The following RAPGEF5 variants were observed in gnomAD, a reference collection of about 807,000 sequenced individuals.
The protein encoded by RAPGEF5 is M-Ras-regulated GEF.
RAPGEF5 carries 65 observed loss-of-function variants against 125.2 expected under a neutral mutation model. That is an observed-to-expected ratio of 0.52 (90% CI 0.43 to 0.64). The LOEUF (loss-of-function observed/expected upper bound fraction) is 0.64. Among genes scored for constraint, RAPGEF5 ranks in the 30% least tolerant of loss-of-function variants. RAPGEF5 has a pLI of 0.00. For synonymous variants in RAPGEF5, 391 were observed against 385.9 expected (o/e 1.01, Z -0.16); for missense variants, 958 against 1,048.1 (o/e 0.91, Z 1.19).
intron 17 of RAPGEF5, among the ~76,000 whole-genome samples, chr7:22,153,547 T>C (rs1285775925): frequency 6.6e-6 from 1 of 152,162 alleles, no homozygotes; most frequent in Non-Finnish European, 1.5e-5. Flanking sequence ...CCATTTTACC[T>C]GCCTGTGAGC....
At chr7:22,148,320 G>T (rs2128106300) in intron 18 of RAPGEF5, among the ~76,000 whole-genome samples, 1 of 152,252 alleles carries the variant, frequency 6.6e-6, no homozygotes, top group South Asian at 2.1e-4. Context: ...CCCTAATTGG[G>T]TCCCTTACCC....
chr7:22,145,616 G>T (rs555474098), intron 19 of RAPGEF5, among the ~76,000 whole-genome samples: 3 of 152,330 alleles, frequency 2.0e-5, no homozygotes, highest in South Asian at 4.1e-4. Context: ...TCACAGGTCT[G>T]TTCTCTAAGA....
At chr7:22,156,937 T>C (rs1457933499) in intron 15 of RAPGEF5, 49 bp from the exon 16 acceptor site, 13 of 1,608,084 alleles carry the variant, frequency 8.1e-6, no homozygotes, top group Non-Finnish European at 1.1e-5. Context: ...TCCTGCCCTT[T>C]GGAAAACCAT....
At chr7:22,286,538 A>T (rs1184636403) in intron 6 of RAPGEF5, among the ~76,000 whole-genome samples, 1 of 152,234 alleles carries the variant, frequency 6.6e-6, no homozygotes, top group African/African-American at 2.4e-5. Context: ...ATTTTAAGTA[A>T]ATATGAGATG....
At chr7:22,309,158 T>C (rs1207931257) in intron 4 of RAPGEF5, among the ~76,000 whole-genome samples, 1 of 152,230 alleles carries the variant, frequency 6.6e-6, no homozygotes, top group Non-Finnish European at 1.5e-5. Flanking sequence ...TACAAAATGT[T>C]TTGCTAACCA....
chr7:22,193,226 A>T, intron 11 of RAPGEF5, 141 bp downstream of exon 11: 1 of 890,682 alleles, frequency 1.1e-6, no homozygotes, highest in Non-Finnish European at 1.7e-6. Flanking sequence ...AATCAGCACA[A>T]GGCAAGGGAC....
chr7:22,131,179 T>C lies in RAPGEF5; in HGVS notation c.2417-78A>G, dbSNP rs1010699732. ...CAGGGCTGAAGAGGTCTAGGTACAATGCAACTTATTCATTTTTCCTAAACA... is the reference window on the plus strand; with the variant it reads ...CAGGGCTGAAGAGGTCTAGGTACAACGCAACTTATTCATTTTTCCTAAACA... On this transcript the variant is annotated intron_variant, in intron 23 of 25. Transcript: ENST00000665637. The C allele has an allele frequency of 1.5e-5, 21 of 1,411,888 alleles. No individual in the cohort carries two copies. The African/African-American group carries it at 3.1e-4, about 21-fold the overall frequency. 87.5% of individuals were successfully genotyped at this position (1,411,888 alleles called of 1,614,324 possible).
chr7:22,203,074 C>T (rs1435222852), intron 9 of RAPGEF5, among the ~76,000 whole-genome samples: 2 of 152,076 alleles, frequency 1.3e-5, no homozygotes, highest in African/African-American at 2.4e-5. Context: ...AAAACACACA[C>T]AAATAACATA....
At chr7:22,225,626 T>C (rs1785899867) in intron 8 of RAPGEF5, among the ~76,000 whole-genome samples, 1 of 152,202 alleles carries the variant, frequency 6.6e-6, no homozygotes, top group African/African-American at 2.4e-5. Flanking sequence ...CATGAATTTA[T>C]TAATATATTG....
At chr7:22,342,795 C>A (rs963784990) in intron 1 of RAPGEF5, among the ~76,000 whole-genome samples, 2 of 152,192 alleles carry the variant, frequency 1.3e-5, no homozygotes, top group Admixed American at 6.5e-5. Flanking sequence ...TCTGAGACCA[C>A]CTAAGCCTGG....
intron 1 of RAPGEF5, among the ~76,000 whole-genome samples, chr7:22,334,270 G>A (rs888995306): frequency 6.6e-6 from 1 of 151,888 alleles, no homozygotes; most frequent in African/African-American, 2.4e-5. Context: ...GGAGGAAAGA[G>A]AAAGAGAAGT....
At chr7:22,313,090 T>A (rs1783510951) in intron 3 of RAPGEF5, among the ~76,000 whole-genome samples, 1 of 152,168 alleles carries the variant, frequency 6.6e-6, no homozygotes, top group African/African-American at 2.4e-5. Context: ...GTAGGAATAA[T>A]GTGATATGGA....
At chr7:22,326,796 C>G (rs978025853) in intron 1 of RAPGEF5, among the ~76,000 whole-genome samples, 15 of 152,102 alleles carry the variant, frequency 9.9e-5, no homozygotes, top group African/African-American at 3.6e-4. Context: ...CACTATAAAG[C>G]AAAGCACCTA....
chr7:22,346,889 A>G (rs948224736), intron 1 of RAPGEF5, among the ~76,000 whole-genome samples: 1 of 152,242 alleles, frequency 6.6e-6, no homozygotes, highest in Non-Finnish European at 1.5e-5. Context: ...TGAACAAAGC[A>G]GATGAATACA....
At chr7:22,338,136 G>GCTGA (rs1351318951) in intron 1 of RAPGEF5, among the ~76,000 whole-genome samples, 4 of 152,202 alleles carry the variant, frequency 2.6e-5, no homozygotes, top group African/African-American at 9.7e-5. Context: ...CTATTCTACT[G>GCTGA]CTGACAGATT....
intron 1 of RAPGEF5, among the ~76,000 whole-genome samples, chr7:22,354,546 G>C (rs868035118): frequency 5.3e-5 from 8 of 152,196 alleles, no homozygotes; most frequent in Middle Eastern, 3.4e-3. Flanking sequence ...CTGTGTTTTG[G>C]ACTGTTAAGT....
chr7:22,269,340 A>C (rs746231073), intron 6 of RAPGEF5, among the ~76,000 whole-genome samples: 245 of 152,270 alleles, frequency 1.6e-3, no homozygotes, highest in Non-Finnish European at 2.7e-3. Context: ...ATGACCTAGC[A>C]ATCAATCATT....
chr7:22,306,684 T>C (rs563488525), intron 5 of RAPGEF5, among the ~76,000 whole-genome samples: 2 of 152,314 alleles, frequency 1.3e-5, no homozygotes, highest in Non-Finnish European at 2.9e-5. Flanking sequence ...TGTAGTTTCA[T>C]AGTTTGAGCT....
At chr7:22,236,041 T>C (rs998233864) in intron 7 of RAPGEF5, among the ~76,000 whole-genome samples, 20 of 152,172 alleles carry the variant, frequency 1.3e-4, no homozygotes, top group African/African-American at 3.9e-4. Context: ...TCCAGTGCCA[T>C]TGAACTTCTC....
Sources: allele counts gnomAD v4.1 joint callset (sites outside exome capture counted in the v4.1 genomes callset), GRCh38; gene constraint gnomAD v4.1.1; transcripts MANE v1.5; gene names NCBI Gene and HGNC (gene_info 2026-07-23, HGNC 2026-07-21).